The following LHFPL3 variants were observed in gnomAD, a reference collection of about 807,000 sequenced individuals.
LHFPL3 encodes LHFPL tetraspan subfamily member 3 protein.
Under a neutral mutation model 19.3 loss-of-function variants are expected in LHFPL3, and 5 were observed. The observed-to-expected ratio is 0.26, with a 90% CI of 0.14 to 0.54. The LOEUF (loss-of-function observed/expected upper bound fraction) is 0.54. LHFPL3 is among the 20% of genes least tolerant of loss of function. The probability of loss-of-function intolerance (pLI) is 0.94; values close to 1 mark genes in which losing one functional copy is unlikely to be tolerated. For missense variants in LHFPL3, 249 were observed against 307.4 expected (o/e 0.81, Z 1.42); for synonymous variants, 133 against 126.2 (o/e 1.05, Z -0.36).
At chr7:104,364,262 G>C (rs983942040) in intron 1 of LHFPL3, among the ~76,000 whole-genome samples, 2 of 152,180 alleles carry the variant, frequency 1.3e-5, no homozygotes, top group South Asian at 2.1e-4. Flanking sequence ...GTGTGGTGAG[G>C]GTGGGGGGAC....
intron 2 of LHFPL3, among the ~76,000 whole-genome samples, chr7:104,859,133 G>A (rs1026253032): frequency 1.3e-5 from 2 of 151,638 alleles, no homozygotes; most frequent in African/African-American, 4.8e-5. Context: ...CAGGCGTGTT[G>A]GCAGGTGCCT....
chr7:104,806,168 GCTCA>G (rs1261762191), intron 2 of LHFPL3, among the ~76,000 whole-genome samples: 67 of 152,280 alleles, frequency 4.4e-4, no homozygotes, highest in African/African-American at 1.5e-3. Flanking sequence ...TTGGAGGGAA[GCTCA>G]CTCATCTTTA....
intron 1 of LHFPL3, among the ~76,000 whole-genome samples, chr7:104,378,271 G>C (rs1790757073): frequency 6.6e-6 from 1 of 152,196 alleles, no homozygotes; most frequent in Non-Finnish European, 1.5e-5. Context: ...TGTCATTAGA[G>C]ATGAGTTTGC....
At chr7:104,853,001 C>T (rs1222173964) in intron 2 of LHFPL3, among the ~76,000 whole-genome samples, 2 of 152,182 alleles carry the variant, frequency 1.3e-5, no homozygotes, top group Non-Finnish European at 2.9e-5. Context: ...GGAGTTTGGG[C>T]ACAGAGGGGA....
At chr7:104,831,098 A>G (rs1790945628) in intron 2 of LHFPL3, among the ~76,000 whole-genome samples, 1 of 151,988 alleles carries the variant, frequency 6.6e-6, no homozygotes. Flanking sequence ...TATAACTCAT[A>G]ATACATGTAT....
chr7:104,356,819 C>T (rs1790285866), intron 1 of LHFPL3, among the ~76,000 whole-genome samples: 1 of 152,188 alleles, frequency 6.6e-6, no homozygotes, highest in Non-Finnish European at 1.5e-5. Flanking sequence ...GCTAAATGGC[C>T]TAAGGAGCCC....
At chr7:104,884,607 T>A (rs1792115953) in intron 2 of LHFPL3, among the ~76,000 whole-genome samples, 2 of 152,196 alleles carry the variant, frequency 1.3e-5, no homozygotes. Context: ...CTCAACCAGC[T>A]GTTAGGAGGG....
chr7:104,876,075 A>G (rs1791933092), intron 2 of LHFPL3, among the ~76,000 whole-genome samples: 1 of 152,232 alleles, frequency 6.6e-6, no homozygotes, highest in South Asian at 2.1e-4. Flanking sequence ...CTGGCTAGCC[A>G]TATGTAGAAA....
chr7:104,689,513 T>C (rs1033769765), intron 1 of LHFPL3, among the ~76,000 whole-genome samples: 1 of 152,186 alleles, frequency 6.6e-6, no homozygotes, highest in African/African-American at 2.4e-5. Context: ...ATTTCCAGAC[T>C]TGAACCAGTT....
chr7:104,426,720 G>T (rs1280258001), intron 1 of LHFPL3, among the ~76,000 whole-genome samples: 2 of 152,174 alleles, frequency 1.3e-5, no homozygotes, highest in Non-Finnish European at 2.9e-5. Flanking sequence ...AGTTTGGGAA[G>T]AATTCTTTTT....
chr7:104,900,300 G>C (rs1792457550), intron 2 of LHFPL3, among the ~76,000 whole-genome samples: 1 of 152,154 alleles, frequency 6.6e-6, no homozygotes, highest in African/African-American at 2.4e-5. Flanking sequence ...TGTTCCTTAA[G>C]GGGAATGAGT....
intron 2 of LHFPL3, among the ~76,000 whole-genome samples, chr7:104,786,779 C>T (rs781549144): frequency 4.0e-5 from 6 of 150,458 alleles, no homozygotes; most frequent in Non-Finnish European, 7.4e-5. Flanking sequence ...TTACATATGG[C>T]TAGTGCAATC....
intron 2 of LHFPL3, among the ~76,000 whole-genome samples, chr7:104,864,799 G>A (rs942885988): frequency 6.6e-6 from 1 of 152,196 alleles, no homozygotes; most frequent in Non-Finnish European, 1.5e-5. Flanking sequence ...GCCTCCTCAA[G>A]TGGGTCCCTG....
At chr7:104,589,148 G>A (rs7457891) in intron 1 of LHFPL3, among the ~76,000 whole-genome samples, 20,251 of 152,048 alleles carry the variant, frequency 0.13, 1,389 homozygotes, top group Non-Finnish European at 0.14. Flanking sequence ...CCAACACTAT[G>A]TTGAATAGGA....
intron 1 of LHFPL3, among the ~76,000 whole-genome samples, chr7:104,418,171 C>T (rs760006942): frequency 6.6e-6 from 1 of 152,020 alleles, no homozygotes; most frequent in African/African-American, 2.4e-5. Context: ...CCATGGCACC[C>T]GGCTGTTACT....
At chr7:104,347,695 C>T (rs907132655) in intron 1 of LHFPL3, among the ~76,000 whole-genome samples, 1 of 152,084 alleles carries the variant, frequency 6.6e-6, no homozygotes, top group African/African-American at 2.4e-5. Flanking sequence ...AGTTCAAGAC[C>T]AGCCTGGCCA....
At chr7:104,488,258 C>A (rs1793274154) in intron 1 of LHFPL3, among the ~76,000 whole-genome samples, 1 of 152,154 alleles carries the variant, frequency 6.6e-6, no homozygotes, top group Non-Finnish European at 1.5e-5. Context: ...TGGAGTTTCT[C>A]TCCTAGTTTT....
At chr7:104,573,818 A>G (rs1327488538) in intron 1 of LHFPL3, among the ~76,000 whole-genome samples, 2 of 152,222 alleles carry the variant, frequency 1.3e-5, no homozygotes, top group African/African-American at 4.8e-5. Flanking sequence ...TTTGCTTTGC[A>G]CACTGTATAT....
At chr7:104,792,356 G>A (rs1790039240) in intron 2 of LHFPL3, among the ~76,000 whole-genome samples, 1 of 152,220 alleles carries the variant, frequency 6.6e-6, no homozygotes, top group South Asian at 2.1e-4. Flanking sequence ...CATAGCAAGT[G>A]TCTCACCCAA....
Sources: allele counts gnomAD v4.1 joint callset (sites outside exome capture counted in the v4.1 genomes callset), GRCh38; gene constraint gnomAD v4.1.1; transcripts MANE v1.5; gene names NCBI Gene and HGNC (gene_info 2026-07-23, HGNC 2026-07-21).